Variants in WASHC4 observed in about 807,000 individuals in gnomAD.
The protein encoded by WASHC4 is WASH complex subunit 7.
Under a neutral mutation model 166.6 loss-of-function variants are expected in WASHC4, and 86 were observed. That is an observed-to-expected ratio of 0.52 (90% CI 0.43 to 0.62). WASHC4 has a LOEUF of 0.62. Among genes scored for constraint, WASHC4 ranks in the 20% least tolerant of loss-of-function variants. The probability of loss-of-function intolerance (pLI) is 0.00; values close to 1 mark genes in which losing one functional copy is unlikely to be tolerated. For synonymous variants in WASHC4, 446 were observed against 451.6 expected (o/e 0.99, Z 0.16); for missense variants, 1,262 against 1,382.4 (o/e 0.91, Z 1.38).
chr12:105,132,249 A>G (rs1156858348), intron 13 of WASHC4, among the ~76,000 whole-genome samples: 3 of 152,188 alleles, frequency 2.0e-5, no homozygotes, highest in East Asian at 1.9e-4. Context: ...GCTCACTGCA[A>G]TCTCTTCCGC....
chr12:105,150,811 T>C (rs1883697971), intron 25 of WASHC4, among the ~76,000 whole-genome samples: 1 of 152,110 alleles, frequency 6.6e-6, no homozygotes, highest in South Asian at 2.1e-4. Flanking sequence ...CTTATAATCA[T>C]GGCGGAAGGT....
chr12:105,122,403 A>G (rs1181234951), intron 10 of WASHC4, among the ~76,000 whole-genome samples, 165 bp downstream of exon 10: 1 of 150,906 alleles, frequency 6.6e-6, no homozygotes, highest in African/African-American at 2.4e-5. Flanking sequence ...TGTATCTAGT[A>G]GCCAACAAAA....
chr12:105,160,179 TTTTTTTAAAAAGA>T (rs1312218735), intron 29 of WASHC4, 31 bp downstream of exon 29: 1 of 1,594,632 alleles, frequency 6.3e-7, no homozygotes. Context: ...AAATGAATTT[TTTTTTTAAAAAGA>T]GTATGCACAA....
intron 15 of WASHC4, 56 bp downstream of exon 15, chr12:105,138,067 A>G: frequency 6.4e-7 from 1 of 1,557,214 alleles, no homozygotes; most frequent in Non-Finnish European, 8.8e-7. Context: ...CCCAGGCTTA[A>G]ATTAGGATAA....
At chr12:105,137,543 A>G (rs1019211877) in intron 14 of WASHC4, among the ~76,000 whole-genome samples, 1 of 152,212 alleles carries the variant, frequency 6.6e-6, no homozygotes, top group African/African-American at 2.4e-5. Context: ...CCTGGCAGGT[A>G]AGATAAGGAT....
chr12:105,136,761 G>A (rs978648825), intron 14 of WASHC4, among the ~76,000 whole-genome samples: 3 of 152,152 alleles, frequency 2.0e-5, no homozygotes, highest in African/African-American at 7.2e-5. Flanking sequence ...CTTTCTGCAT[G>A]TATGTGCCAA....
In WASHC4 at chr12:105,111,446, T is replaced by G. The variant is rs977474456; in HGVS notation, c.201+182T>G. On this transcript the variant is annotated intron_variant, in intron 2 of 32. Coordinates refer to ENST00000332180, the MANE Select transcript of WASHC4 (RefSeq NM_015275.3). ...GCAGATGTTTTTTAAATGTGTGTGT[T>G]TTCTGTTTAAGAATGACAAACACAC... is the stretch of plus-strand genomic sequence containing the variant. Among the ~76,000 whole-genome samples, 7 of 152,196 alleles carry G rather than the reference T, an allele frequency of 4.6e-5. No homozygotes were observed. The East Asian group carries it at 1.2e-3, about 25-fold the overall frequency.
intron 15 of WASHC4, among the ~76,000 whole-genome samples, chr12:105,138,659 ATAAT>A (rs1882529906): frequency 1.3e-5 from 2 of 152,210 alleles, no homozygotes; most frequent in Admixed American, 1.3e-4. Flanking sequence ...TTTTCTCCTA[ATAAT>A]TGACTAGATT....
intron 6 of WASHC4, among the ~76,000 whole-genome samples, chr12:105,116,904 G>T (rs1880235808): frequency 6.6e-6 from 1 of 152,146 alleles, no homozygotes; most frequent in African/African-American, 2.4e-5. Flanking sequence ...GCTTGGAGAA[G>T]AAGCCCCATG....
At chr12:105,127,341 A>T (rs760786476) in intron 13 of WASHC4, 52 bp downstream of exon 13, 1 of 1,261,798 alleles carries the variant, frequency 7.9e-7, no homozygotes, top group South Asian at 1.2e-5. Flanking sequence ...CTTTATTTTC[A>T]AAGATTATAC....
chr12:105,166,265 TTGTC>T (rs1334583777), intron 32 of WASHC4, among the ~76,000 whole-genome samples: 2 of 152,206 alleles, frequency 1.3e-5, no homozygotes, highest in African/African-American at 4.8e-5. Context: ...CAAATAGTCT[TTGTC>T]TGTTAATGAA....
At chr12:105,165,037 T>C (rs1046753921) in intron 32 of WASHC4, among the ~76,000 whole-genome samples, 17 of 152,222 alleles carry the variant, frequency 1.1e-4, no homozygotes, top group African/African-American at 4.1e-4. Flanking sequence ...TGGCTCAAAC[T>C]ATTAGATTTG....
At chr12:105,126,435 T>C in intron 12 of WASHC4, 73 bp downstream of exon 12, 1 of 1,150,336 alleles carries the variant, frequency 8.7e-7, no homozygotes. Context: ...TATTTTAAAA[T>C]GCATTTTATT....
At chr12:105,159,149 G>A (rs908355425) in intron 28 of WASHC4, among the ~76,000 whole-genome samples, 1 of 152,190 alleles carries the variant, frequency 6.6e-6, no homozygotes, top group African/African-American at 2.4e-5. Flanking sequence ...GAAAGGATCA[G>A]ACCTTTACCT....
intron 32 of WASHC4, among the ~76,000 whole-genome samples, chr12:105,165,611 A>G (rs1020941370): frequency 6.6e-6 from 1 of 152,192 alleles, no homozygotes. Context: ...TCATAAAACA[A>G]GATGTTTTTA....
intron 24 of WASHC4, chr12:105,147,614 G>A: frequency 4.0e-6 from 4 of 1,003,352 alleles, no homozygotes; most frequent in Non-Finnish European, 4.8e-6. Context: ...TCTTAGAAAT[G>A]GGCATTCACC....
rs1039620864 is a variant in WASHC4, at chr12:105,115,510, G to C, written c.368-151G>C. ...CTAATTATTTGATTAATGATTGTCTGATTTTTCTCTTTGGTGTAAAAATTC... is the reference window on the plus strand; with the variant it reads ...CTAATTATTTGATTAATGATTGTCTCATTTTTCTCTTTGGTGTAAAAATTC... On this transcript the variant is annotated intron_variant, in intron 5 of 32. Transcript: ENST00000332180. The C allele has an allele frequency of 9.0e-6, 6 of 664,156 alleles. No individual in the cohort carries two copies. In the African/African-American group the frequency reaches 9.2e-5, roughly 10 times the overall value. 41.1% of individuals were successfully genotyped at this position (664,156 alleles called of 1,614,324 possible).
intron 10 of WASHC4, among the ~76,000 whole-genome samples, chr12:105,124,058 C>CT (rs980159568): frequency 1.5e-4 from 22 of 150,736 alleles, no homozygotes; most frequent in Non-Finnish European, 3.0e-4. Flanking sequence ...AATTAATATA[C>CT]TTTTTTTTAG....
chr12:105,131,085 T>TA (rs201992514), intron 13 of WASHC4, among the ~76,000 whole-genome samples: 219 of 147,840 alleles, frequency 1.5e-3, no homozygotes, highest in African/African-American at 3.5e-3. Context: ...TTTATTTATT[T>TA]TTTTTTTTTT....
Sources: allele counts gnomAD v4.1 joint callset (sites outside exome capture counted in the v4.1 genomes callset), GRCh38; gene constraint gnomAD v4.1.1; transcripts MANE v1.5; gene names NCBI Gene and HGNC (gene_info 2026-07-23, HGNC 2026-07-21).